ZDHHC14: variants seen among roughly 807,000 people sequenced by gnomAD.
The protein encoded by ZDHHC14 is palmitoyltransferase ZDHHC14.
A neutral mutation model predicts 47.7 loss-of-function variants in ZDHHC14; 16 were observed. That is an observed-to-expected ratio of 0.34 (90% CI 0.23 to 0.51). ZDHHC14 has a LOEUF of 0.51. Among genes scored for constraint, ZDHHC14 ranks in the 20% least tolerant of loss-of-function variants. The pLI is 0.97. For synonymous variants in ZDHHC14, 293 were observed against 278.9 expected (o/e 1.05, Z -0.50); for missense variants, 515 against 662.5 (o/e 0.78, Z 2.44).
At chr6:157,513,387 C>A (rs1272807727) in intron 1 of ZDHHC14, among the ~76,000 whole-genome samples, 2 of 152,178 alleles carry the variant, frequency 1.3e-5, no homozygotes, top group African/African-American at 4.8e-5. Context: ...CAGGCAGGGC[C>A]CAGGGTCGGA....
chr6:157,656,071 C>T (rs1583083211), intron 8 of ZDHHC14, among the ~76,000 whole-genome samples: 1 of 152,196 alleles, frequency 6.6e-6, no homozygotes, highest in African/African-American at 2.4e-5. Flanking sequence ...ATGGGGAGGT[C>T]GTTTTACTCC....
chr6:157,448,933 A>G (rs143370621), intron 1 of ZDHHC14, among the ~76,000 whole-genome samples: 3,549 of 152,346 alleles, frequency 0.023, 60 homozygotes, highest in Admixed American at 0.04. Context: ...GGGAGACACT[A>G]TCATCCCCAT....
At chr6:157,533,063 T>G (rs1452032248) in intron 1 of ZDHHC14, among the ~76,000 whole-genome samples, 34 of 152,210 alleles carry the variant, frequency 2.2e-4, no homozygotes, top group Non-Finnish European at 1.5e-5. Flanking sequence ...GGGCACATTC[T>G]TCTAGTTACA....
chr6:157,607,327 G>A (rs1227091053), intron 3 of ZDHHC14, among the ~76,000 whole-genome samples: 1 of 152,140 alleles, frequency 6.6e-6, no homozygotes, highest in East Asian at 1.9e-4. Flanking sequence ...GGTTTGTGTA[G>A]ATTTTTTTCA....
At chr6:157,601,051 G>A (rs914701578) in intron 3 of ZDHHC14, among the ~76,000 whole-genome samples, 2 of 152,212 alleles carry the variant, frequency 1.3e-5, no homozygotes, top group African/African-American at 2.4e-5. Flanking sequence ...GGCCCTGACT[G>A]CAGATGGAGA....
chr6:157,652,068 A>G (rs1013769095), intron 7 of ZDHHC14, among the ~76,000 whole-genome samples: 21 of 152,026 alleles, frequency 1.4e-4, no homozygotes, highest in African/African-American at 5.1e-4. Context: ...TGGTTTGAGA[A>G]CCCCCTTTGA....
intron 2 of ZDHHC14, among the ~76,000 whole-genome samples, chr6:157,553,478 G>A (rs1453431525): frequency 6.6e-6 from 1 of 152,070 alleles, no homozygotes; most frequent in Non-Finnish European, 1.5e-5. Context: ...GGACTTTGCT[G>A]AGGTGTCCTC....
chr6:157,606,642 G>A (rs956116652), intron 3 of ZDHHC14, among the ~76,000 whole-genome samples: 11 of 152,198 alleles, frequency 7.2e-5, no homozygotes, highest in African/African-American at 9.7e-5. Flanking sequence ...GTGATCAGTT[G>A]CTGTGAGGGC....
intron 1 of ZDHHC14, among the ~76,000 whole-genome samples, chr6:157,417,811 G>A (rs546611941): frequency 6.6e-6 from 1 of 152,186 alleles, no homozygotes; most frequent in East Asian, 1.9e-4. Context: ...AAAATTAGCC[G>A]GGCGTGGTTG....
rs531249093 is a variant in ZDHHC14, at chr6:157,582,750, A to G, written c.407-10238A>G. 2.0e-5 allele frequency among the ~76,000 whole-genome samples: 3 copies of G among 152,190 alleles called. No homozygotes were observed. Among genetic ancestry groups the G allele is most frequent in the East Asian group, 1.9e-4 (1 of 5,174 alleles). On this transcript the variant is annotated intron_variant, in intron 2 of 8. Transcript: ENST00000359775. This position sits in a 1 kb window ranked among gnomAD's most constrained non-coding sequence, Gnocchi z 4.3. ...GTATTATTTTGCAGGAGTTCTCTTCATTTCCCGAACTTGAATGTCAGCCTC... is the reference window on the plus strand; with the variant it reads ...GTATTATTTTGCAGGAGTTCTCTTCGTTTCCCGAACTTGAATGTCAGCCTC...
At chr6:157,640,288 A>C (rs1388078639) in intron 5 of ZDHHC14, among the ~76,000 whole-genome samples, 1 of 152,224 alleles carries the variant, frequency 6.6e-6, no homozygotes, top group African/African-American at 2.4e-5. Context: ...GGTAAATCAA[A>C]TGTTGATTGA....
chr6:157,639,083 A>G lies in ZDHHC14; in HGVS notation c.752+6201A>G, dbSNP rs1777120372. The stretch of plus-strand genomic sequence containing the variant: ...AAAGGAGGCAGGGCTCCCCATCAAC[A>G]TGTGGTCTGCCCTGCATCGTGTGAG... On this transcript the variant is annotated intron_variant, in intron 5 of 8. Coordinates refer to ENST00000359775, the MANE Select transcript of ZDHHC14 (RefSeq NM_024630.3). Among the ~76,000 whole-genome samples, 4 of 152,366 alleles carry G rather than the reference A, an allele frequency of 2.6e-5. No homozygotes were observed. The South Asian group carries it at 8.3e-4, about 32-fold the overall frequency.
At chr6:157,422,041 A>G (rs1778116980) in intron 1 of ZDHHC14, among the ~76,000 whole-genome samples, 1 of 152,234 alleles carries the variant, frequency 6.6e-6, no homozygotes, top group South Asian at 2.1e-4. Context: ...CTTAGCAGGT[A>G]AGAAACTGAT....
intron 1 of ZDHHC14, among the ~76,000 whole-genome samples, chr6:157,477,295 G>T (rs1422649272): frequency 6.6e-6 from 1 of 152,196 alleles, no homozygotes; most frequent in Non-Finnish European, 1.5e-5. Flanking sequence ...CAGGAGAATT[G>T]CTTGAACCCA....
At chr6:157,432,464 G>A (rs142702833) in intron 1 of ZDHHC14, among the ~76,000 whole-genome samples, 1,873 of 152,284 alleles carry the variant, frequency 0.012, 13 homozygotes, top group Non-Finnish European at 0.019. Context: ...CTTTGGAGAG[G>A]TAAGTAGTTG....
intron 1 of ZDHHC14, among the ~76,000 whole-genome samples, chr6:157,535,119 T>G (rs1190360177): frequency 2.0e-5 from 3 of 152,168 alleles, no homozygotes; most frequent in Non-Finnish European, 2.9e-5. Flanking sequence ...AACTCTGTCT[T>G]GCATGCTTGG....
At chr6:157,428,382 G>A (rs571586686) in intron 1 of ZDHHC14, among the ~76,000 whole-genome samples, 17 of 152,168 alleles carry the variant, frequency 1.1e-4, no homozygotes, top group East Asian at 5.8e-4. Context: ...ACTGGTATTC[G>A]TCTAAAATTA....
intron 1 of ZDHHC14, among the ~76,000 whole-genome samples, chr6:157,524,808 A>G (rs1446253839): frequency 1.3e-5 from 2 of 152,354 alleles, no homozygotes; most frequent in African/African-American, 2.4e-5. Context: ...ATTCTGTTCT[A>G]TTCACTATCA....
At chr6:157,542,056 G>A (rs1781785663) in intron 1 of ZDHHC14, among the ~76,000 whole-genome samples, 1 of 152,188 alleles carries the variant, frequency 6.6e-6, no homozygotes, top group African/African-American at 2.4e-5. Flanking sequence ...TCCAGAACAT[G>A]GAAAATTGGT....
Sources: gnomAD v4.1 joint callset for allele counts (sites outside exome capture counted in the v4.1 genomes callset) on GRCh38, gnomAD v4.1.1 for gene constraint, Gnocchi (gnomAD v3.1) non-coding constraint, MANE v1.5 for transcripts, NCBI Gene and HGNC (gene_info 2026-07-23, HGNC 2026-07-21) for gene names.